The following GALNTL6 variants were observed in gnomAD, a reference collection of about 807,000 sequenced individuals.
GALNTL6 encodes the protein polypeptide N-acetylgalactosaminyltransferase-like 6.
In GALNTL6, 46 loss-of-function variants were observed where a neutral mutation model predicts 73.7. That is an observed-to-expected ratio of 0.62 (90% confidence interval 0.49 to 0.80). The LOEUF is 0.80. GALNTL6 is among the 30% of genes least tolerant of loss of function. The pLI is 0.00. For synonymous variants in GALNTL6, 259 were observed against 263.7 expected, an observed-to-expected ratio of 0.98 and a Z score of 0.17; for missense variants, 604 against 755.0, an observed-to-expected ratio of 0.80 and a Z score of 2.34.
At chr4:172,124,550 C>A (rs1199485593) in intron 2 of GALNTL6, among the ~76,000 whole-genome samples, 1 of 151,966 alleles carries the variant, frequency 6.6e-6, no homozygotes, top group Non-Finnish European at 1.5e-5. Context: ...CAAAATAAAA[C>A]AAATTTAACT....
intron 5 of GALNTL6, chr4:172,667,132 A>T (rs1368723557): frequency 6.6e-6 from 1 of 152,232 alleles, no homozygotes; most frequent in African/African-American, 2.4e-5. Flanking sequence ...TCATGTCCAC[A>T]TCTTCCTTCC....
chr4:172,358,761 A>G (rs1021815486), intron 5 of GALNTL6, among the ~76,000 whole-genome samples: 1 of 150,754 alleles, frequency 6.6e-6, no homozygotes, highest in African/African-American at 2.4e-5. Context: ...AATAATTTCT[A>G]TACATAGAAA....
chr4:171,842,328 A>T (rs1320553269), intron 2 of GALNTL6, among the ~76,000 whole-genome samples: 1 of 152,108 alleles, frequency 6.6e-6, no homozygotes, highest in East Asian at 1.9e-4. Flanking sequence ...ATTTTCTGAA[A>T]TGCAATCCCC....
intron 5 of GALNTL6, among the ~76,000 whole-genome samples, chr4:172,398,366 A>C (rs892294398): frequency 2.0e-5 from 3 of 152,200 alleles, no homozygotes; most frequent in Non-Finnish European, 4.4e-5. Flanking sequence ...ATGAACATAT[A>C]TTAAATGGCA....
intron 2 of GALNTL6, among the ~76,000 whole-genome samples, chr4:172,042,450 C>A (rs1435646449): frequency 6.6e-6 from 1 of 151,938 alleles, no homozygotes; most frequent in African/African-American, 2.4e-5. Context: ...AATCATATAT[C>A]CAATTGCTCA....
chr4:172,930,694 TTTG>T (rs1471960574), intron 8 of GALNTL6, among the ~76,000 whole-genome samples: 2 of 152,152 alleles, frequency 1.3e-5, no homozygotes, highest in South Asian at 2.1e-4. Context: ...TTGGTTTTGT[TTTG>T]TTAAGACAGG....
chr4:173,035,507 G>A (rs1456758177), intron 12 of GALNTL6, among the ~76,000 whole-genome samples: 1 of 152,112 alleles, frequency 6.6e-6, no homozygotes, highest in Non-Finnish European at 1.5e-5. Context: ...TTACCTATTG[G>A]TCTCCCCTAT....
intron 2 of GALNTL6, among the ~76,000 whole-genome samples, chr4:171,889,508 G>C (rs1040084723): frequency 3.3e-5 from 5 of 152,084 alleles, no homozygotes; most frequent in Non-Finnish European, 2.9e-5. Context: ...ATCAATCTAG[G>C]CTGAGTCTAT....
At chr4:172,971,721 T>A (rs552683475) in intron 10 of GALNTL6, among the ~76,000 whole-genome samples, 1 of 152,246 alleles carries the variant, frequency 6.6e-6, no homozygotes, top group South Asian at 2.1e-4. Context: ...CTATTATAAA[T>A]AATATTAGTG....
intron 5 of GALNTL6, among the ~76,000 whole-genome samples, chr4:172,379,326 C>T (rs570337629): frequency 8.1e-4 from 123 of 151,940 alleles, no homozygotes; most frequent in African/African-American, 2.9e-3. Context: ...GTCAGGAGAT[C>T]GAGACCATCC....
At chr4:173,032,561 G>C (rs780453446) in intron 12 of GALNTL6, among the ~76,000 whole-genome samples, 1 of 152,040 alleles carries the variant, frequency 6.6e-6, no homozygotes, top group Non-Finnish European at 1.5e-5. Context: ...GTGGCAGCAC[G>C]CATGTGGTCC....
intron 5 of GALNTL6, among the ~76,000 whole-genome samples, chr4:172,738,423 T>C (rs1736594439): frequency 6.6e-6 from 1 of 152,156 alleles, no homozygotes; most frequent in Non-Finnish European, 1.5e-5. Context: ...TTGGTGTTTG[T>C]TGTAATGGGG....
chr4:172,414,720 T>G (rs1449940052), intron 5 of GALNTL6, among the ~76,000 whole-genome samples: 1 of 152,154 alleles, frequency 6.6e-6, no homozygotes, highest in Non-Finnish European at 1.5e-5. Flanking sequence ...ATCTAAAACT[T>G]AACTCCGTCA....
chr4:172,089,132 G>C (rs1732126787), intron 2 of GALNTL6, among the ~76,000 whole-genome samples: 1 of 152,142 alleles, frequency 6.6e-6, no homozygotes, highest in Non-Finnish European at 1.5e-5. Context: ...AAACAGTTGA[G>C]TCTCATCTTA....
At chr4:172,351,338 C>T (rs555053572) in intron 5 of GALNTL6, among the ~76,000 whole-genome samples, 1 of 152,162 alleles carries the variant, frequency 6.6e-6, no homozygotes, top group South Asian at 2.1e-4. Context: ...ACTGCCTTAA[C>T]ATTTAAAACA....
At chr4:172,672,570 A>C (rs1222029606) in intron 5 of GALNTL6, among the ~76,000 whole-genome samples, 1 of 152,150 alleles carries the variant, frequency 6.6e-6, no homozygotes, top group Non-Finnish European at 1.5e-5. Flanking sequence ...AATTTTTTGG[A>C]ATGGTTTCAG....
intron 2 of GALNTL6, among the ~76,000 whole-genome samples, chr4:172,052,942 A>C (rs531316650): frequency 6.6e-6 from 1 of 152,314 alleles, no homozygotes; most frequent in African/African-American, 2.4e-5. Flanking sequence ...TCAAAACAAT[A>C]GTTACATGAA....
chr4:172,545,237 T>A (rs1444004260), intron 5 of GALNTL6, among the ~76,000 whole-genome samples: 1 of 152,184 alleles, frequency 6.6e-6, no homozygotes, highest in Non-Finnish European at 1.5e-5. Context: ...TAATATGATA[T>A]GGCTACAGCA....
chr4:172,090,856 T>C (rs559981829), intron 2 of GALNTL6, among the ~76,000 whole-genome samples: 7 of 152,328 alleles, frequency 4.6e-5, no homozygotes, highest in African/African-American at 1.7e-4. Flanking sequence ...TAATCAATCT[T>C]GAGTTAACTT....
Sources: gnomAD v4.1 joint callset for allele counts (sites outside exome capture counted in the v4.1 genomes callset) on GRCh38, gnomAD v4.1.1 for gene constraint, MANE v1.5 for transcripts, NCBI Gene and HGNC (gene_info 2026-07-23, HGNC 2026-07-21) for gene names.